Variants in TTC39C observed in about 807,000 individuals in gnomAD.
The protein encoded by TTC39C is tetratricopeptide repeat domain 39C.
In TTC39C, 33 loss-of-function variants were observed where a neutral mutation model predicts 76.3. That is an observed-to-expected ratio of 0.43 (90% confidence interval 0.33 to 0.58). TTC39C has a LOEUF of 0.58. TTC39C is among the 20% of genes least tolerant of loss of function. The pLI, the probability that TTC39C is intolerant of heterozygous loss-of-function variation, is 0.04. For missense variants in TTC39C, 595 were observed against 701.4 expected (o/e 0.85, Z 1.71); for synonymous variants, 254 against 260.6 (o/e 0.97, Z 0.24).
rs370538816 is a variant in TTC39C at position 24,128,959 on chromosome 18, A to G, written c.1494A>G (p.Leu498=). Residue 498 remains leucine (L), a synonymous_variant, in exon 11 of 14, where the codon CTA becomes CTG. Transcript: ENST00000317571. Reference sequence around the variant, plus strand: ...TTCTTGGTGCCATACACAAATGTCTAGGAAACTCAGAAGATGCTGTTCAGG... The same window carrying G: ...TTCTTGGTGCCATACACAAATGTCTGGGAAACTCAGAAGATGCTGTTCAGG... ...YLLLGAIHKC[L]GNSEDAVQYF... 178 of 1,613,458 alleles carry G rather than the reference A, an allele frequency of 1.1e-4. No individual in the cohort carries two copies. Among genetic ancestry groups the G allele is most frequent in the Middle Eastern group, 1.6e-4 (1 of 6,076 alleles).
intron 6 of TTC39C, among the ~76,000 whole-genome samples, chr18:24,098,001 C>A (rs2084611309): frequency 6.6e-6 from 1 of 152,010 alleles, no homozygotes; most frequent in South Asian, 2.1e-4. Context: ...TTTTCTATGA[C>A]CATTTTGAAG....
At chr18:24,077,296 C>A (rs1403407033) in intron 4 of TTC39C, 1 of 152,138 alleles carries the variant, frequency 6.6e-6, no homozygotes, top group Non-Finnish European at 1.5e-5. Flanking sequence ...TAAATTTATC[C>A]CTCCAAATTT....
intron 13 of TTC39C, 85 bp downstream of exon 13, chr18:24,132,005 G>A: frequency 2.3e-6 from 3 of 1,305,006 alleles, no homozygotes; most frequent in Non-Finnish European, 3.2e-6. Flanking sequence ...GAAAGTTTGT[G>A]CAATGATGTT....
intron 6 of TTC39C, among the ~76,000 whole-genome samples, chr18:24,098,468 T>C (rs2084622888): frequency 1.2e-5 from 1 of 86,272 alleles, no homozygotes; most frequent in African/African-American, 5.4e-5. Context: ...CTTTCCTTTC[T>C]TTTCTCCTCT....
At position 24,133,976 on chromosome 18, in the gene TTC39C, A is replaced by AT. The variant is rs1250111448; in HGVS notation, c.*1405dup. The AT allele has an allele frequency of 6.5e-6, 1 of 152,896 alleles. No homozygotes were observed. Among genetic ancestry groups the AT allele is most frequent in the African/African-American group, 2.4e-5 (1 of 41,442 alleles). 9.5% of individuals were successfully genotyped at this position (152,896 alleles called of 1,614,324 possible). A position where few individuals can be genotyped will look rare whatever the true frequency, so the allele number is the denominator to read the frequency against. ...GTAGAATGTTGGCAAATTTTATCTG[A>AT]TTTGACCTTGTTTTGAGGGAATAGT... On this transcript the variant is annotated 3_prime_UTR_variant, in exon 14 of 14. Coordinates refer to ENST00000317571, the MANE Select transcript of TTC39C (RefSeq NM_001135993.2).
intron 6 of TTC39C, among the ~76,000 whole-genome samples, chr18:24,105,819 A>G (rs556076807): frequency 1.3e-5 from 2 of 152,296 alleles, no homozygotes; most frequent in Admixed American, 1.3e-4. Flanking sequence ...ACAAAAATGT[A>G]TTGTCCCCCA....
chr18:24,023,937 TATATATATG>T (rs2083547380), intron 1 of TTC39C, among the ~76,000 whole-genome samples: 3 of 19,368 alleles, frequency 1.5e-4, no homozygotes, highest in Admixed American at 4.5e-4. Context: ...AAATTACATA[TATATATATG>T]CATGTATATA....
At chr18:23,993,006 C>T (rs1459424181) in exon 1 of TTC39C, 1 of 152,266 alleles carries the variant, frequency 6.6e-6, no homozygotes, top group South Asian at 2.1e-4. Context: ...ATTCTAAAAT[C>T]TTGCTCCTAA....
intron 1 of TTC39C, among the ~76,000 whole-genome samples, chr18:24,063,824 A>C (rs557951864): frequency 1.3e-5 from 2 of 152,084 alleles, no homozygotes; most frequent in Admixed American, 6.6e-5. Flanking sequence ...TGTTTCTACT[A>C]TCTTTATATT....
rs143553354 is a variant in TTC39C, at chr18:24,015,527, C to T, written c.167+489C>T. Among the ~76,000 whole-genome samples, 927 of 152,340 alleles carry T rather than the reference C, an allele frequency of 6.1e-3. 6 individuals are homozygous for T. The highest frequency in any genetic ancestry group is 9.7e-3 in the Non-Finnish European group (658 of 68,038). On this transcript the variant is annotated intron_variant, in intron 1 of 13. Coordinates refer to ENST00000317571, the MANE Select transcript of TTC39C (RefSeq NM_001135993.2). ...ATGGCTCTGCAACATTGTGCAATTC[C>T]AGACGCTTTTATTGTTTGAAAACAG... is the stretch of plus-strand genomic sequence containing the variant.
intron 6 of TTC39C, among the ~76,000 whole-genome samples, chr18:24,101,305 T>TAAAA (rs35978012): frequency 0.12 from 17,269 of 139,206 alleles, 1,267 homozygotes; most frequent in African/African-American, 0.19. Flanking sequence ...TAATTTTTCA[T>TAAAA]AAAAAAAAAA....
chr18:24,083,141 C>T (rs2084398120), intron 6 of TTC39C, 60 bp downstream of exon 6: 5 of 1,498,236 alleles, frequency 3.3e-6, no homozygotes, highest in East Asian at 2.3e-5. Context: ...CTCTGATTCT[C>T]ACTTGAGGAC....
intron 6 of TTC39C, among the ~76,000 whole-genome samples, chr18:24,085,847 C>G (rs1407084949): frequency 1.3e-5 from 2 of 152,188 alleles, no homozygotes; most frequent in Non-Finnish European, 2.9e-5. Context: ...TGGCTCTTCC[C>G]AAAGGCCCAG....
chr18:24,001,437 T>TGGAAG (rs2083309697), intron 1 of TTC39C: 1 of 152,268 alleles, frequency 6.6e-6, no homozygotes, highest in African/African-American at 2.4e-5. Flanking sequence ...CCAACCCTTC[T>TGGAAG]GGTTGGTCTG....
At chr18:24,032,621 A>G (rs1421810567) in intron 1 of TTC39C, among the ~76,000 whole-genome samples, 1 of 152,252 alleles carries the variant, frequency 6.6e-6, no homozygotes, top group Admixed American at 6.5e-5. Flanking sequence ...TGCATGAAAC[A>G]AAGTTTTGAC....
intron 10 of TTC39C, among the ~76,000 whole-genome samples, chr18:24,126,509 C>A (rs575613592): frequency 2.2e-4 from 33 of 149,540 alleles, no homozygotes; most frequent in African/African-American, 8.1e-4. Context: ...TTCTGGAGAT[C>A]AAAGGAACAA....
intron 1 of TTC39C, among the ~76,000 whole-genome samples, chr18:24,018,713 A>G (rs1293606080): frequency 6.6e-6 from 1 of 152,124 alleles, no homozygotes; most frequent in Non-Finnish European, 1.5e-5. Context: ...GGGCGGGGCA[A>G]GGAGAAAAGG....
chr18:24,103,651 T>C (rs2084706992), intron 6 of TTC39C, among the ~76,000 whole-genome samples: 1 of 152,234 alleles, frequency 6.6e-6, no homozygotes, highest in African/African-American at 2.4e-5. Flanking sequence ...TTATACTATA[T>C]GGAGTTTTAT....
At chr18:24,045,909 A>ATATGTATATG (rs2083866973) in intron 1 of TTC39C, among the ~76,000 whole-genome samples, 2 of 38,128 alleles carry the variant, frequency 5.2e-5, no homozygotes, top group African/African-American at 1.6e-4. Context: ...ATATATATAT[A>ATATGTATATG]TATATATATA....
Sources: allele counts gnomAD v4.1 joint callset (sites outside exome capture counted in the v4.1 genomes callset), GRCh38; gene constraint gnomAD v4.1.1; transcripts MANE v1.5; gene names NCBI Gene and HGNC (gene_info 2026-07-23, HGNC 2026-07-21).